Variants in CLASP2 observed in about 807,000 individuals in gnomAD.
The protein encoded by CLASP2 is cytoplasmic linker associated protein 2.
A neutral mutation model predicts 194.4 loss-of-function variants in CLASP2; 47 were observed. The ratio of observed to expected loss-of-function variants is 0.24; its 90% CI spans 0.19 to 0.31. CLASP2 has a LOEUF of 0.31. Among genes scored for constraint, CLASP2 ranks in the 10% least tolerant of loss-of-function variants. The pLI is 1.00. For missense variants in CLASP2, 1,445 were observed against 1,823.6 expected, an observed-to-expected ratio of 0.79 and a Z score of 3.78; for synonymous variants, 619 against 633.5, an observed-to-expected ratio of 0.98 and a Z score of 0.34.
intron 36 of CLASP2, 58 bp downstream of exon 36, chr3:33,515,965 G>A: frequency 6.6e-7 from 1 of 1,514,508 alleles, no homozygotes; most frequent in Non-Finnish European, 8.9e-7. Flanking sequence ...TTACACAATG[G>A]TTACATGTTT....
intron 20 of CLASP2, 177 bp from the exon 21 acceptor site, chr3:33,592,673 A>AT (rs779608217): frequency 1.5e-6 from 1 of 658,982 alleles, no homozygotes; most frequent in Non-Finnish European, 2.7e-6. Context: ...TTTACGTGTT[A>AT]TACCATAAGC....
At chr3:33,684,303 A>T (rs925188743) in intron 6 of CLASP2, 56 bp downstream of exon 6, 44 of 925,798 alleles carry the variant, frequency 4.8e-5, no homozygotes, top group Non-Finnish European at 3.1e-5. Flanking sequence ...ATAAAATGAA[A>T]ACTTTTAAAA....
At chr3:33,644,596 A>G in intron 8 of CLASP2, 161 bp downstream of exon 8, 2 of 743,888 alleles carry the variant, frequency 2.7e-6, no homozygotes, top group Non-Finnish European at 4.6e-6. Flanking sequence ...TATTTTATAC[A>G]TTTCAAAAGG....
intron 20 of CLASP2, among the ~76,000 whole-genome samples, chr3:33,594,152 T>C (rs960018584): frequency 1.5e-4 from 23 of 152,352 alleles, no homozygotes; most frequent in African/African-American, 5.5e-4. Context: ...ACAGAAATCA[T>C]GTTTTTATAC....
In CLASP2 at chr3:33,509,747, T is replaced by C. The variant is rs983567785; in HGVS notation, c.4317+811A>G. Among the ~76,000 whole-genome samples, 5 of 152,234 alleles carry C rather than the reference T, an allele frequency of 3.3e-5. No homozygotes were observed. The South Asian group carries it at 1.0e-3, about 31-fold the overall frequency. On this transcript the variant is annotated intron_variant, in intron 37 of 38. Coordinates refer to ENST00000682230, the MANE Select transcript of CLASP2 (RefSeq NM_001365631.1). ...TATTGGATGGAAAGAGTTCACAATG[T>C]ATGGTTAAGTTTTAAAGCATGTTAT...
rs1371269369 is a variant in CLASP2 at position 33,501,699 on chromosome 3, T to C, written c.4387A>G (p.Ile1463Val). 1.2e-6 allele frequency: 2 copies of C among 1,613,670 alleles called. No individual in the cohort carries two copies. The highest frequency in any genetic ancestry group is 1.7e-6 in the Non-Finnish European group (2 of 1,179,672). Residue 1463 changes from isoleucine to valine, a missense_variant, in exon 38 of 39, where the codon ATT becomes GTT. Transcript: ENST00000682230. ...AGATGTGGTTTTAGTTCATCACCAA[T>C]TACCGCATGAACAGCCACCAGGCAG... Reference protein sequence around the residue: ...VFCLVAVHAVIGDELKPHLSQ... With the variant: ...VFCLVAVHAVVGDELKPHLSQ...
At chr3:33,594,140 G>A (rs2069570869) in intron 20 of CLASP2, among the ~76,000 whole-genome samples, 1 of 151,922 alleles carries the variant, frequency 6.6e-6, no homozygotes, top group South Asian at 2.1e-4. Flanking sequence ...CCCTATGCCT[G>A]GACAGAAATC....
chr3:33,627,514 C>A (rs552201696), intron 9 of CLASP2, among the ~76,000 whole-genome samples: 4 of 152,232 alleles, frequency 2.6e-5, no homozygotes, highest in African/African-American at 9.6e-5. Context: ...GTCAGGATAG[C>A]TACATTTTGT....
chr3:33,602,682 A>C, intron 18 of CLASP2: 1 of 699,870 alleles, frequency 1.4e-6, no homozygotes, highest in Non-Finnish European at 2.6e-6. Context: ...CAGTGGCTAG[A>C]TGTGGTAGAA....
chr3:33,551,422 G>A (rs752525708), intron 29 of CLASP2, 27 bp from the exon 30 acceptor site: 139 of 1,602,706 alleles, frequency 8.7e-5, no homozygotes, highest in Non-Finnish European at 1.2e-4. Context: ...AAAGAGAAAG[G>A]ACAGAAAGAT....
intron 6 of CLASP2, among the ~76,000 whole-genome samples, chr3:33,673,981 C>T (rs2087952294): frequency 6.6e-6 from 1 of 152,136 alleles, no homozygotes; most frequent in African/African-American, 2.4e-5. Flanking sequence ...TAGACTCCCA[C>T]ATATTAATAA....
rs918752065 is a variant in CLASP2 at position 33,687,210 on chromosome 3, T to C, written c.471-75A>G. 8 of 887,094 alleles carry C rather than the reference T, an allele frequency of 9.0e-6. No homozygotes were observed. In the African/African-American group the frequency reaches 1.0e-4, roughly 11 times the overall value. 55.0% of individuals were successfully genotyped at this position (887,094 alleles called of 1,614,324 possible). Reference sequence around the variant, plus strand: ...GTAAACAAAATATCCTTATACCTTCTTGTCTGTAGCAATATAACAAATATA... The same window carrying C: ...GTAAACAAAATATCCTTATACCTTCCTGTCTGTAGCAATATAACAAATATA... On this transcript the variant is annotated intron_variant, in intron 4 of 38. Transcript: ENST00000682230.
intron 10 of CLASP2, among the ~76,000 whole-genome samples, chr3:33,626,222 G>A (rs950883877): frequency 2.6e-5 from 4 of 152,066 alleles, no homozygotes; most frequent in Admixed American, 2.0e-4. Context: ...AAAAGGCCCT[G>A]CATTTGATTT....
In CLASP2 at chr3:33,584,737, A is replaced by AAG; in HGVS notation, c.2239+12_2239+13insCT. ...GTTACATGTCTCACATAAAAAAAAA[A>AAG]AAAAAATCTTACCCACTGAAAGCCT... On this transcript the variant is annotated intron_variant, in intron 22 of 38. Coordinates refer to ENST00000682230, the MANE Select transcript of CLASP2 (RefSeq NM_001365631.1). 6.4e-7 allele frequency: 1 copy of AAG among 1,559,792 alleles called. No homozygotes were observed. The highest frequency in any genetic ancestry group is 8.6e-7 in the Non-Finnish European group (1 of 1,161,546).
At chr3:33,513,182 T>G (rs2050403451) in intron 36 of CLASP2, among the ~76,000 whole-genome samples, 1 of 152,170 alleles carries the variant, frequency 6.6e-6, no homozygotes, top group Admixed American at 6.5e-5. Context: ...TTTTAAACTT[T>G]CAGTGAAATG....
At chr3:33,711,187 C>A (rs184081709) in intron 1 of CLASP2, among the ~76,000 whole-genome samples, 6 of 151,732 alleles carry the variant, frequency 4.0e-5, no homozygotes, top group African/African-American at 1.5e-4. Context: ...TTTCTCCAAA[C>A]ACCTTCAGTT....
At chr3:33,584,729 A>T (rs759074372) in intron 22 of CLASP2, 21 bp downstream of exon 22, 192 of 1,007,702 alleles carry the variant, frequency 1.9e-4, no homozygotes, top group South Asian at 7.7e-4. Context: ...GTCTCACATA[A>T]AAAAAAAAAA....
At chr3:33,645,988 T>G (rs1383994903) in intron 7 of CLASP2, among the ~76,000 whole-genome samples, 1 of 150,414 alleles carries the variant, frequency 6.6e-6, no homozygotes, top group Non-Finnish European at 1.5e-5. Context: ...TGTATTTTAC[T>G]CTCCTGAGAA....
chr3:33,605,533 T>G (rs2073595391), intron 16 of CLASP2, among the ~76,000 whole-genome samples: 1 of 152,164 alleles, frequency 6.6e-6, no homozygotes, highest in Non-Finnish European at 1.5e-5. Context: ...GTGCCTCACT[T>G]GCCTCACCCT....
Sources: gnomAD v4.1 joint callset for allele counts (sites outside exome capture counted in the v4.1 genomes callset) on GRCh38, gnomAD v4.1.1 for gene constraint, MANE v1.5 for transcripts, NCBI Gene and HGNC (gene_info 2026-07-23, HGNC 2026-07-21) for gene names.